The following NDST1 variants were observed in gnomAD, a reference collection of about 807,000 sequenced individuals.
NDST1 encodes N-deacetylase and N-sulfotransferase 1.
NDST1 carries 35 observed loss-of-function variants against 92.8 expected under a neutral mutation model. The ratio of observed to expected loss-of-function variants is 0.38; its 90% confidence interval spans 0.29 to 0.50. The LOEUF (loss-of-function observed/expected upper bound fraction) is 0.50, where lower values mean the gene tolerates loss of function less well. Ranked by LOEUF, NDST1 falls within the 20% of genes least tolerant of loss-of-function variation. The pLI, the probability that NDST1 is intolerant of heterozygous loss-of-function variation, is 0.94. For missense variants in NDST1, 822 were observed against 1,182.7 expected (o/e 0.69, Z 4.47); for synonymous variants, 493 against 500.3 (o/e 0.99, Z 0.19).
chr5:150,503,932 T>C (rs371193834), upstream of NDST1, among the ~76,000 whole-genome samples: 16 of 152,208 alleles, frequency 1.1e-4, no homozygotes, highest in African/African-American at 3.4e-4. Context: ...AATTTACGTG[T>C]AGGTAGGGCT....
intron 6 of NDST1, among the ~76,000 whole-genome samples, 175 bp from the exon 7 acceptor site, chr5:150,539,053 G>A (rs1581395979): frequency 6.6e-6 from 1 of 152,244 alleles, no homozygotes; most frequent in Non-Finnish European, 1.5e-5. Flanking sequence ...GCAAGGGCCT[G>A]TAGTTCACTG....
chr5:150,539,000 C>T (rs989832493), intron 6 of NDST1, among the ~76,000 whole-genome samples: 1 of 152,226 alleles, frequency 6.6e-6, no homozygotes, highest in African/African-American at 2.4e-5. Context: ...ACTTTGAGGC[C>T]TGCTCATTTT....
chr5:150,536,311 C>T (rs575335968), intron 6 of NDST1, among the ~76,000 whole-genome samples: 2 of 151,942 alleles, frequency 1.3e-5, no homozygotes, highest in East Asian at 3.9e-4. Context: ...TGTAGTGAAA[C>T]CCCATCTCTA....
At chr5:150,519,969 AG>A (rs1468005268) in intron 1 of NDST1, among the ~76,000 whole-genome samples, 4 of 152,092 alleles carry the variant, frequency 2.6e-5, no homozygotes, top group Non-Finnish European at 5.9e-5. Context: ...CAGAAGGTCC[AG>A]GGCGGGGGAG....
chr5:150,503,048 A>G (rs958898585), intron 1 of NDST1, among the ~76,000 whole-genome samples: 1 of 152,096 alleles, frequency 6.6e-6, no homozygotes, highest in Non-Finnish European at 1.5e-5. Context: ...GTGGACGAGT[A>G]ACATAACCTC....
At chr5:150,527,778 C>T (rs775671262) in intron 2 of NDST1, 26 bp from the exon 3 acceptor site, 3 of 1,611,770 alleles carry the variant, frequency 1.9e-6, no homozygotes, top group South Asian at 2.2e-5. Flanking sequence ...AGTTCTGTTC[C>T]CCTTCCTGCC....
chr5:150,552,817 G>A (rs1755780754), intron 14 of NDST1, among the ~76,000 whole-genome samples: 1 of 152,044 alleles, frequency 6.6e-6, no homozygotes, highest in South Asian at 2.1e-4. Flanking sequence ...GTGTATGGGG[G>A]GTGGTGCCAG....
chr5:150,545,813 A>G (rs924283154), intron 11 of NDST1, among the ~76,000 whole-genome samples: 3 of 152,124 alleles, frequency 2.0e-5, no homozygotes, highest in African/African-American at 4.8e-5. Flanking sequence ...CATACTGACT[A>G]TAGCTTCCTC....
At chr5:150,540,352 C>T in intron 8 of NDST1, 88 bp downstream of exon 8, 2 of 1,376,160 alleles carry the variant, frequency 1.5e-6, no homozygotes, top group Non-Finnish European at 2.0e-6. Context: ...ACTCAAGGCT[C>T]AGCCATCATG....
In NDST1 at chr5:150,554,355, A is replaced by ATATATATG. The variant is rs1755827839; in HGVS notation, c.*1027_*1028insTATGTATA. Reference sequence around the variant, plus strand: ...CTGTGTTATATATATATATATATATATATAATGTGTATATATATATATTCT... The same window carrying ATATATATG: ...CTGTGTTATATATATATATATATATATATATATGTATAATGTGTATATATATATATTCT... On this transcript the variant is annotated 3_prime_UTR_variant, in exon 15 of 15. Coordinates refer to ENST00000261797, the MANE Select transcript of NDST1 (RefSeq NM_001543.5). 6.2e-6 allele frequency: 1 copy of ATATATATG among 161,998 alleles called. No homozygotes were observed. The highest frequency in any genetic ancestry group is 6.6e-5 in the Admixed American group (1 of 15,234). The allele number at this position is 161,998 out of a possible 1,614,324, so 10.0% of individuals were successfully genotyped here. A position where few individuals can be genotyped will look rare whatever the true frequency, so the allele number is the denominator to read the frequency against.
upstream of NDST1, among the ~76,000 whole-genome samples, chr5:150,506,752 C>A (rs974086374): frequency 6.6e-6 from 1 of 152,050 alleles, no homozygotes; most frequent in South Asian, 2.1e-4. Flanking sequence ...TCCCTTAACA[C>A]CCCAAGGCGT....
chr5:150,506,419 T>C (rs1256529663), upstream of NDST1, among the ~76,000 whole-genome samples: 1 of 152,142 alleles, frequency 6.6e-6, no homozygotes, highest in African/African-American at 2.4e-5. Flanking sequence ...CACCTGGCAG[T>C]GAGCACCTTC....
rs775275241 is a variant in NDST1, at chr5:150,528,019, G to A, written c.729G>A (p.Thr243=). ...ATGAGCCAGTGCTGCTGGCCAAGAC[G>A]CGCTCGTCTGAGTCCATCCCACACC... ...STYEPVLLAK[T]RSSESIPHLG... The change falls in exon 3 of 15, where the codon ACG becomes ACA. Residue 243 remains threonine (T), a synonymous_variant. Coordinates refer to ENST00000261797, the MANE Select transcript of NDST1 (RefSeq NM_001543.5). The A allele has an allele frequency of 9.3e-6, 15 of 1,613,482 alleles. No individual in the cohort carries two copies. Among genetic ancestry groups the A allele is most frequent in the African/African-American group, 8.0e-5 (6 of 74,928 alleles).
intron 1 of NDST1, among the ~76,000 whole-genome samples, chr5:150,502,657 C>T (rs1459200917): frequency 6.6e-6 from 1 of 152,144 alleles, no homozygotes; most frequent in Non-Finnish European, 1.5e-5. Flanking sequence ...CCCTTCATGT[C>T]CTTTTCTCTC....
rs1190201124 is a variant in NDST1 at position 150,553,845 on chromosome 5, G to C, written c.*513G>C. On this transcript the variant is annotated 3_prime_UTR_variant, in exon 15 of 15. Transcript: ENST00000261797. The surrounding 1 kb of genome is among the most constrained non-coding windows in gnomAD (Gnocchi z 4.2). Reference sequence around the variant, plus strand: ...CCGGAGTCAGTCCTAGGCTGGATGGGAGGGTGGCCCCCTCAAGAGGACTCC... The same window carrying C: ...CCGGAGTCAGTCCTAGGCTGGATGGCAGGGTGGCCCCCTCAAGAGGACTCC... The C allele has an allele frequency of 9.2e-6, 4 of 433,596 alleles. No homozygotes were observed. The highest frequency in any genetic ancestry group is 1.6e-5 in the Non-Finnish European group (4 of 245,194). 26.9% of individuals were successfully genotyped at this position (433,596 alleles called of 1,614,324 possible).
In NDST1 at chr5:150,521,680, C is replaced by T. The variant is rs1754243111; in HGVS notation, c.426C>T (p.Leu142=). The T allele has an allele frequency of 1.2e-6, 2 of 1,614,096 alleles. No individual in the cohort carries two copies. The highest frequency in any genetic ancestry group is 2.2e-5 in the East Asian group (1 of 44,878). ...RFALIIYENI[L]KYVNLDAWNR... ...CCCTCATCATCTATGAGAACATCCT[C>T]AAGTATGTCAACCTGGACGCCTGGA... The change falls in exon 2 of 15, where the codon CTC becomes CTT. Residue 142 remains leucine (L), a synonymous_variant. Coordinates refer to ENST00000261797, the MANE Select transcript of NDST1 (RefSeq NM_001543.5). This position sits in a 1 kb window ranked among gnomAD's most constrained non-coding sequence, Gnocchi z 5.9.
At chr5:150,527,019 C>T (rs1255574331) in intron 2 of NDST1, among the ~76,000 whole-genome samples, 1 of 152,206 alleles carries the variant, frequency 6.6e-6, no homozygotes, top group Admixed American at 6.5e-5. Flanking sequence ...ATATGGGGCA[C>T]CCCCAGCAGA....
chr5:150,537,065 G>A (rs1199106830), intron 6 of NDST1, among the ~76,000 whole-genome samples: 1 of 152,228 alleles, frequency 6.6e-6, no homozygotes, highest in Non-Finnish European at 1.5e-5. Context: ...AAGATTTCAT[G>A]GACATTTATC....
At chr5:150,550,584 C>T (rs1755679674) in intron 13 of NDST1, 1 of 152,294 alleles carries the variant, frequency 6.6e-6, no homozygotes, top group Non-Finnish European at 1.5e-5. Context: ...AAGTGACACA[C>T]TCAGCTGGAT....
Sources: allele counts gnomAD v4.1 joint callset (sites outside exome capture counted in the v4.1 genomes callset), GRCh38; gene constraint gnomAD v4.1.1; non-coding constraint Gnocchi (gnomAD v3.1); transcripts MANE v1.5; gene names NCBI Gene and HGNC (gene_info 2026-07-23, HGNC 2026-07-21).